Variants in ADAMTS2 observed in about 807,000 individuals in gnomAD.
ADAMTS2 encodes ADAM metallopeptidase with thrombospondin type 1 motif 2.
ADAMTS2 carries 50 observed loss-of-function variants against 123.0 expected under a neutral mutation model. That is an observed-to-expected ratio of 0.41 (90% CI 0.32 to 0.51). The LOEUF is 0.51. Ranked by LOEUF, ADAMTS2 falls within the 20% of genes least tolerant of loss-of-function variation. The pLI, the probability that ADAMTS2 is intolerant of heterozygous loss-of-function variation, is 0.35. For synonymous variants in ADAMTS2, 678 were observed against 695.4 expected (o/e 0.98, Z 0.39); for missense variants, 1,494 against 1,705.2 (o/e 0.88, Z 2.18).
chr5:179,195,604 G>A (rs1037323756), intron 4 of ADAMTS2, among the ~76,000 whole-genome samples: 4 of 152,228 alleles, frequency 2.6e-5, no homozygotes, highest in East Asian at 1.9e-4. Context: ...GCAGGGGGGC[G>A]TGGCCTCTCC....
intron 2 of ADAMTS2, among the ~76,000 whole-genome samples, chr5:179,322,812 G>A (rs464610): frequency 0.62 from 94,210 of 152,162 alleles, 29,592 homozygotes; most frequent in Non-Finnish European, 0.65. Flanking sequence ...GGGGCCTGAC[G>A]GTACCAGGGG....
At chr5:179,341,714 C>CAAA (rs36096225) in intron 2 of ADAMTS2, among the ~76,000 whole-genome samples, 1 of 65,108 alleles carries the variant, frequency 1.5e-5, no homozygotes, top group Non-Finnish European at 3.4e-5. Context: ...GACTCCGTCT[C>CAAA]AAAAAAAAAA....
At position 179,317,908 on chromosome 5, in the gene ADAMTS2, C is replaced by A. The variant is rs1757047594; in HGVS notation, c.534+25859G>T. On this transcript the variant is annotated intron_variant, in intron 2 of 21. Coordinates refer to ENST00000251582, the MANE Select transcript of ADAMTS2 (RefSeq NM_014244.5). This position sits in a 1 kb window ranked among gnomAD's most constrained non-coding sequence, Gnocchi z 4.9. ...CAGGGAAAGGTTCTGGAAACCCAGA[C>A]TGAAGGTTCCCTGGGGTCCCTGGGG... 6.6e-6 allele frequency among the ~76,000 whole-genome samples: 1 copy of A among 152,162 alleles called. No homozygotes were observed. The highest frequency in any genetic ancestry group is 2.1e-4 in the South Asian group (1 of 4,828).
chr5:179,236,336 C>G (rs1446259178), intron 3 of ADAMTS2, among the ~76,000 whole-genome samples: 1 of 152,162 alleles, frequency 6.6e-6, no homozygotes, highest in South Asian at 2.1e-4. Flanking sequence ...CAGCCACTCC[C>G]GTAAGGGTGA....
chr5:179,255,217 G>A, intron 3 of ADAMTS2, among the ~76,000 whole-genome samples: 1 of 152,318 alleles, frequency 6.6e-6, no homozygotes, highest in South Asian at 2.1e-4. Flanking sequence ...ACGGATGACA[G>A]ATGGATAAAT....
chr5:179,263,427 CCGCA>C (rs1198211952), intron 3 of ADAMTS2, among the ~76,000 whole-genome samples: 1 of 152,204 alleles, frequency 6.6e-6, no homozygotes, highest in Non-Finnish European at 1.5e-5. Context: ...ATTAATGAAC[CCGCA>C]TGGCATTCAG....
rs75858770 is a variant in ADAMTS2 at position 179,256,448 on chromosome 5, G to A, written c.688+16463C>T. ...CAGGGAAGCTCCTGGGTGCGGCTCG[G>A]TTCACTCCAGCATTTCCTACATGGA... is the stretch of plus-strand genomic sequence containing the variant. On this transcript the variant is annotated intron_variant, in intron 3 of 21. Transcript: ENST00000251582. The surrounding 1 kb of genome is among the most constrained non-coding windows in gnomAD (Gnocchi z 4.1). Among the ~76,000 whole-genome samples, 3 of 152,314 alleles carry A rather than the reference G, an allele frequency of 2.0e-5. No homozygotes were observed. The highest frequency in any genetic ancestry group is 7.2e-5 in the African/African-American group (3 of 41,558).
At chr5:179,251,429 AAAC>A (rs1276067140) in intron 3 of ADAMTS2, among the ~76,000 whole-genome samples, 6 of 152,196 alleles carry the variant, frequency 3.9e-5, no homozygotes, top group African/African-American at 7.2e-5. Flanking sequence ...TTTATGAATT[AAAC>A]AACGAGGCCA....
At chr5:179,304,140 C>T (rs1756606803) in intron 2 of ADAMTS2, among the ~76,000 whole-genome samples, 1 of 152,158 alleles carries the variant, frequency 6.6e-6, no homozygotes, top group Non-Finnish European at 1.5e-5. Flanking sequence ...ATGGACCTGA[C>T]ATTGAACCGC....
intron 3 of ADAMTS2, among the ~76,000 whole-genome samples, chr5:179,243,107 CTA>C (rs1765705015): frequency 6.6e-6 from 1 of 150,502 alleles, no homozygotes; most frequent in Non-Finnish European, 1.5e-5. Flanking sequence ...GCTGACAGCT[CTA>C]TGAGAACAAC....
At position 179,285,514 on chromosome 5, in the gene ADAMTS2, G is replaced by A. The variant is rs777698995; in HGVS notation, c.535-12450C>T. ...CATGGCTCCTGCACACACCAATGCCGGGGTAGCCTCCAGGAAACAGAGCTG... is the reference window on the plus strand; with the variant it reads ...CATGGCTCCTGCACACACCAATGCCAGGGTAGCCTCCAGGAAACAGAGCTG... On this transcript the variant is annotated intron_variant, in intron 2 of 21. Coordinates refer to ENST00000251582, the MANE Select transcript of ADAMTS2 (RefSeq NM_014244.5). This position sits in a 1 kb window ranked among gnomAD's most constrained non-coding sequence, Gnocchi z 4.9. 2.0e-5 allele frequency among the ~76,000 whole-genome samples: 3 copies of A among 152,176 alleles called. No individual in the cohort carries two copies. The highest frequency in any genetic ancestry group is 7.2e-5 in the African/African-American group (3 of 41,444).
Position 179,303,073 on chromosome 5 carries a change from TG to T in ADAMTS2, c.535-30010del, listed in dbSNP as rs1311887208. Reference sequence around the variant, plus strand: ...GCTTCCTCTGCTGTGGGGAGGAGATTGGATTTTCTCCTCTGTGCAGTGGGCA... The same window carrying T: ...GCTTCCTCTGCTGTGGGGAGGAGATTGATTTTCTCCTCTGTGCAGTGGGCA... On this transcript the variant is annotated intron_variant, in intron 2 of 21. Transcript: ENST00000251582. This position sits in a 1 kb window ranked among gnomAD's most constrained non-coding sequence, Gnocchi z 4.7. Among the ~76,000 whole-genome samples, 1 of 151,826 alleles carries T rather than the reference TG, an allele frequency of 6.6e-6. No homozygotes were observed. Among genetic ancestry groups the T allele is most frequent in the Non-Finnish European group, 1.5e-5 (1 of 67,950 alleles).
At chr5:179,337,391 A>ACACACGTGTG (rs1491450314) in intron 2 of ADAMTS2, among the ~76,000 whole-genome samples, 2 of 152,182 alleles carry the variant, frequency 1.3e-5, no homozygotes, top group African/African-American at 4.8e-5. Context: ...ACACACGTGT[A>ACACACGTGTG]CACACTCATT....
intron 5 of ADAMTS2, among the ~76,000 whole-genome samples, chr5:179,172,511 C>T (rs141871693): frequency 9.8e-5 from 15 of 152,350 alleles, no homozygotes; most frequent in African/African-American, 3.6e-4. Flanking sequence ...GCTTCTCATG[C>T]AGGGGAGACC....
chr5:179,187,913 C>T (rs1304807443), intron 4 of ADAMTS2, among the ~76,000 whole-genome samples: 2 of 152,222 alleles, frequency 1.3e-5, no homozygotes, highest in African/African-American at 4.8e-5. Flanking sequence ...AGGAGCGGCT[C>T]TGCATGGCAA....
chr5:179,343,801 G>A lies in ADAMTS2; in HGVS notation c.500C>T (p.Ala167Val), dbSNP rs528269755. The A allele has an allele frequency of 1.4e-5, 23 of 1,611,504 alleles. No homozygotes were observed. The highest frequency in any genetic ancestry group is 1.7e-4 in the Middle Eastern group (1 of 6,056). The change falls in exon 2 of 22, where the codon GCC (alanine) becomes GTC (valine). Residue 167 changes from alanine (A) to valine (V), a missense_variant. Coordinates refer to ENST00000251582, the MANE Select transcript of ADAMTS2 (RefSeq NM_014244.5). ...GCAGTTGCTGAGCGCCACAGAGGAG[G>A]CTTCGGCTAGGCCGGCCACGTCTCC... is the stretch of plus-strand genomic sequence containing the variant. ...YVGDVAGLAE[A>V]SSVALSNCDG... is the part of the protein sequence containing the mutation.
chr5:179,160,286 C>T (rs1763569566), intron 5 of ADAMTS2, among the ~76,000 whole-genome samples: 2 of 152,110 alleles, frequency 1.3e-5, no homozygotes, highest in African/African-American at 4.8e-5. Flanking sequence ...TGGTGAAACC[C>T]TGTCTCTACT....
At chr5:179,269,427 T>C (rs1194770767) in intron 3 of ADAMTS2, among the ~76,000 whole-genome samples, 1 of 152,044 alleles carries the variant, frequency 6.6e-6, no homozygotes, top group Non-Finnish European at 1.5e-5. Flanking sequence ...TGGCAGAAGA[T>C]GAAAGGCACG....
intron 3 of ADAMTS2, among the ~76,000 whole-genome samples, chr5:179,236,314 C>T (rs867214552): frequency 1.6e-4 from 25 of 152,272 alleles, no homozygotes; most frequent in Non-Finnish European, 2.8e-4. Flanking sequence ...GGAAGAGGGA[C>T]GCCAATTGTT....
Sources: allele counts gnomAD v4.1 joint callset (sites outside exome capture counted in the v4.1 genomes callset), GRCh38; gene constraint gnomAD v4.1.1; non-coding constraint Gnocchi (gnomAD v3.1); transcripts MANE v1.5; gene names NCBI Gene and HGNC (gene_info 2026-07-23, HGNC 2026-07-21).